The following JADE2 variants were observed in gnomAD, a reference collection of about 807,000 sequenced individuals.
The protein encoded by JADE2 is E3 ubiquitin-protein ligase Jade-2.
A neutral mutation model predicts 85.7 loss-of-function variants in JADE2; 13 were observed. That is an observed-to-expected ratio of 0.15 (90% CI 0.10 to 0.24). The LOEUF is 0.24. Ranked by LOEUF, JADE2 falls within the 10% of genes least tolerant of loss-of-function variation. The pLI is 1.00. For missense variants in JADE2, 846 were observed against 1,115.9 expected (o/e 0.76, Z 3.45); for synonymous variants, 440 against 456.1 (o/e 0.96, Z 0.45).
chr5:134,566,081 C>T lies in JADE2; in HGVS notation c.970-35C>T. On this transcript the variant is annotated intron_variant, in intron 8 of 11. Coordinates refer to ENST00000681547, the MANE Select transcript of JADE2 (RefSeq NM_001388185.1). This position sits in a 1 kb window ranked among gnomAD's most constrained non-coding sequence, Gnocchi z 6.7. ...GTCTTCTCCCCTCCCACCAGGCTCC[C>T]TCCATGTCTGATCCTGCCCCTCCTT... The T allele has an allele frequency of 6.4e-7, 1 of 1,574,242 alleles. No homozygotes were observed. The highest frequency in any genetic ancestry group is 8.7e-7 in the Non-Finnish European group (1 of 1,151,146).
intron 3 of JADE2, among the ~76,000 whole-genome samples, chr5:134,542,961 G>C (rs367697205): frequency 2.0e-3 from 298 of 151,234 alleles, no homozygotes; most frequent in African/African-American, 6.4e-3. Flanking sequence ...TCAAACTCCT[G>C]ACCTCAAGTG....
intron 1 of JADE2, among the ~76,000 whole-genome samples, chr5:134,530,413 C>A (rs1761158548): frequency 6.6e-6 from 1 of 152,212 alleles, no homozygotes; most frequent in Non-Finnish European, 1.5e-5. Context: ...AGGACGAAAT[C>A]CTGCTGTGTG....
chr5:134,566,596 G>T lies in JADE2; in HGVS notation c.1434+16G>T. 1.3e-6 allele frequency: 2 copies of T among 1,524,834 alleles called. No individual in the cohort carries two copies. Among genetic ancestry groups the T allele is most frequent in the Non-Finnish European group, 1.8e-6 (2 of 1,129,390 alleles). 94.5% of individuals were successfully genotyped at this position (1,524,834 alleles called of 1,614,324 possible). A position where few individuals can be genotyped will look rare whatever the true frequency, so the allele number is the denominator to read the frequency against. On this transcript the variant is annotated intron_variant, in intron 9 of 11. Transcript: ENST00000681547. The surrounding 1 kb of genome is among the most constrained non-coding windows in gnomAD (Gnocchi z 6.7). ...CCTAGAGAGGGTGAGTCCCCATGCC[G>T]CCTGCCCACCCCCTGCCTGGTGGGT...
rs546086384 is a variant in JADE2, at chr5:134,540,473, A to G, written c.153+2390A>G. Among the ~76,000 whole-genome samples, 5 of 148,898 alleles carry G rather than the reference A, an allele frequency of 3.4e-5. No individual in the cohort carries two copies. In the South Asian group the frequency reaches 1.1e-3, roughly 32 times the overall value. On this transcript the variant is annotated intron_variant, in intron 3 of 11. Coordinates refer to ENST00000681547, the MANE Select transcript of JADE2 (RefSeq NM_001388185.1). ...TGTCTCAAACTCCTGAGCTCAGGCGATCCTCCCACCTTGGCCTCCCAAAGT... is the reference window on the plus strand; with the variant it reads ...TGTCTCAAACTCCTGAGCTCAGGCGGTCCTCCCACCTTGGCCTCCCAAAGT...
At chr5:134,570,415 A>G (rs1036212374) in intron 9 of JADE2, among the ~76,000 whole-genome samples, 4 of 151,918 alleles carry the variant, frequency 2.6e-5, no homozygotes, top group African/African-American at 4.8e-5. Context: ...TTTTCCACCA[A>G]TATTTGAATC....
chr5:134,578,339 G>A lies in JADE2; in HGVS notation c.1682-155G>A, dbSNP rs1764511644. On this transcript the variant is annotated intron_variant, in intron 11 of 11. Coordinates refer to ENST00000681547, the MANE Select transcript of JADE2 (RefSeq NM_001388185.1). This position sits in a 1 kb window ranked among gnomAD's most constrained non-coding sequence, Gnocchi z 4.4. ...TCCCTACTCTTTGGTGGTGTTGGCAGGAGGGATGGACAAAACAAGATAGCT... is the reference window on the plus strand; with the variant it reads ...TCCCTACTCTTTGGTGGTGTTGGCAAGAGGGATGGACAAAACAAGATAGCT... Among the ~76,000 whole-genome samples, 1 of 152,208 alleles carries A rather than the reference G, an allele frequency of 6.6e-6. No homozygotes were observed.
chr5:134,577,596 T>C (rs1433843232), intron 11 of JADE2, among the ~76,000 whole-genome samples: 1 of 152,078 alleles, frequency 6.6e-6, no homozygotes, highest in Non-Finnish European at 1.5e-5. Flanking sequence ...GAGGCTGAGT[T>C]GGGAGGATCG....
At chr5:134,551,043 G>A (rs1190217560) in intron 3 of JADE2, among the ~76,000 whole-genome samples, 1 of 152,058 alleles carries the variant, frequency 6.6e-6, no homozygotes, top group Non-Finnish European at 1.5e-5. Context: ...GCTGCCCTAA[G>A]CCCCGGCCGT....
chr5:134,543,682 C>CA (rs573239133), intron 3 of JADE2, among the ~76,000 whole-genome samples: 40 of 151,562 alleles, frequency 2.6e-4, no homozygotes, highest in East Asian at 1.2e-3. Flanking sequence ...GTCTCAAAAA[C>CA]AAAAAAAAGC....
chr5:134,527,975 C>G (rs1009719731), intron 1 of JADE2, among the ~76,000 whole-genome samples: 2 of 152,122 alleles, frequency 1.3e-5, no homozygotes, highest in Non-Finnish European at 2.9e-5. Flanking sequence ...AAGTTGTATC[C>G]CGGGTCAGAG....
rs1471436852 is a variant in JADE2 at position 134,579,806 on chromosome 5, CAG to C, written c.*492_*493del. ...GGAAGTATAATAAACGATACCCAGC[CAG>C]AGTCTACTCACTGTCACAAGCACAA... is the stretch of plus-strand genomic sequence containing the variant. On this transcript the variant is annotated 3_prime_UTR_variant, in exon 12 of 12. Transcript: ENST00000681547. This position sits in a 1 kb window ranked among gnomAD's most constrained non-coding sequence, Gnocchi z 4.6. The C allele has an allele frequency of 6.3e-6, 1 of 157,596 alleles. No homozygotes were observed. The highest frequency in any genetic ancestry group is 1.9e-4 in the East Asian group (1 of 5,326). The allele number at this position is 157,596 out of a possible 1,614,324, so 9.8% of individuals were successfully genotyped here.
chr5:134,576,636 TC>T (rs1342081082), intron 10 of JADE2, 131 bp from the exon 11 acceptor site: 31 of 1,160,126 alleles, frequency 2.7e-5, no homozygotes, highest in African/African-American at 1.6e-5. Context: ...ATCCCCTAAC[TC>T]CAACCTTTTT....
chr5:134,573,388 C>T (rs1183258178), intron 9 of JADE2, among the ~76,000 whole-genome samples: 2 of 152,192 alleles, frequency 1.3e-5, no homozygotes, highest in African/African-American at 4.8e-5. Flanking sequence ...GATGCTTTTC[C>T]CTGGCTGCTC....
At chr5:134,535,354 C>T (rs913642339) in intron 1 of JADE2, among the ~76,000 whole-genome samples, 2 of 152,192 alleles carry the variant, frequency 1.3e-5, no homozygotes, top group Non-Finnish European at 2.9e-5. Context: ...CTGCTGACCA[C>T]CACTCGCAGG....
At chr5:134,572,230 T>C (rs1053608147) in intron 9 of JADE2, among the ~76,000 whole-genome samples, 3 of 152,150 alleles carry the variant, frequency 2.0e-5, no homozygotes, top group African/African-American at 4.8e-5. Context: ...GCCATAGGGA[T>C]AGGCGGAGCT....
chr5:134,579,200 C>T lies in JADE2; in HGVS notation c.2388C>T (p.Tyr796=). 2 of 1,614,226 alleles carry T rather than the reference C, an allele frequency of 1.2e-6. No homozygotes were observed. The highest frequency in any genetic ancestry group is 1.7e-6 in the Non-Finnish European group (2 of 1,180,036). ...ATTTTGACACTGAGACTGATGGCTA[C>T]TTCTCTGATGGGGAGATGAGCGACT... The part of the protein sequence containing the change: ...SLHFDTETDG[Y]FSDGEMSDSD... Residue 796 remains tyrosine, a synonymous_variant, in exon 12 of 12, where the codon TAC becomes TAT. Coordinates refer to ENST00000681547, the MANE Select transcript of JADE2 (RefSeq NM_001388185.1). This position sits in a 1 kb window ranked among gnomAD's most constrained non-coding sequence, Gnocchi z 4.6.
At chr5:134,543,017 G>T (rs949311728) in intron 3 of JADE2, among the ~76,000 whole-genome samples, 11 of 150,342 alleles carry the variant, frequency 7.3e-5, no homozygotes, top group African/African-American at 2.7e-4. Context: ...ATGAGCCACC[G>T]CACCTGGCCA....
rs374187551 is a variant in JADE2 at position 134,573,692 on chromosome 5, C to T, written c.1482C>T (p.His494=). 45 of 1,613,958 alleles carry T rather than the reference C, an allele frequency of 2.8e-5. No individual in the cohort carries two copies. The highest frequency in any genetic ancestry group is 4.0e-5 in the African/African-American group (3 of 75,040). The change falls in exon 10 of 12, where the codon CAC becomes CAT. Residue 494 remains histidine, a synonymous_variant. Coordinates refer to ENST00000681547, the MANE Select transcript of JADE2 (RefSeq NM_001388185.1). ...YMVTRRERTK[H]AICKLQEQIF... ...TGACAAGGCGCGAGAGAACGAAACA[C>T]GCCATCTGCAAACTCCAGGAGCAGA...
rs913515729 is a variant in JADE2 at position 134,525,808 on chromosome 5, C to A, written c.-204C>A. On this transcript the variant is annotated 5_prime_UTR_variant, in exon 1 of 12. Coordinates refer to ENST00000681547, the MANE Select transcript of JADE2 (RefSeq NM_001388185.1). ...CGGCACCGGCTTAGGTCCTGCGGGC[C>A]GACCGTCCCCGGCGGGGGGCGTGGG... The A allele has an allele frequency of 9.8e-7, 1 of 1,016,218 alleles. No individual in the cohort carries two copies. The highest frequency in any genetic ancestry group is 6.0e-5 in the Admixed American group (1 of 16,560). 63.0% of individuals were successfully genotyped at this position (1,016,218 alleles called of 1,614,324 possible). A position where few individuals can be genotyped will look rare whatever the true frequency, so the allele number is the denominator to read the frequency against.
Sources: gnomAD v4.1 joint callset for allele counts (sites outside exome capture counted in the v4.1 genomes callset) on GRCh38, gnomAD v4.1.1 for gene constraint, Gnocchi (gnomAD v3.1) non-coding constraint, MANE v1.5 for transcripts, NCBI Gene and HGNC (gene_info 2026-07-23, HGNC 2026-07-21) for gene names.